The following ADGRB1 variants were observed in gnomAD, a reference collection of about 807,000 sequenced individuals.
ADGRB1 encodes brain-specific angiogenesis inhibitor 1.
ADGRB1 carries 36 observed loss-of-function variants against 175.7 expected under a neutral mutation model. That is an observed-to-expected ratio of 0.20 (90% CI 0.16 to 0.27). The LOEUF is 0.27. ADGRB1 is among the 10% of genes least tolerant of loss of function. The probability of loss-of-function intolerance (pLI) is 1.00; values close to 1 mark genes in which losing one functional copy is unlikely to be tolerated. For missense variants in ADGRB1, 1,731 were observed against 2,255.3 expected (o/e 0.77, Z 4.71); for synonymous variants, 1,054 against 979.4 (o/e 1.08, Z -1.42).
intron 2 of ADGRB1, among the ~76,000 whole-genome samples, chr8:142,469,548 C>CGTGCATGTGT (rs1198608357): frequency 4.0e-5 from 5 of 125,972 alleles, no homozygotes; most frequent in Non-Finnish European, 8.4e-5. Context: ...AGTGTATGCA[C>CGTGCATGTGT]GTGCATGTGT....
At chr8:142,507,865 C>T (rs1213152651) in intron 17 of ADGRB1, among the ~76,000 whole-genome samples, 1 of 152,168 alleles carries the variant, frequency 6.6e-6, no homozygotes, top group Non-Finnish European at 1.5e-5. Flanking sequence ...AGGACTCTTC[C>T]TGGGGTGCCC....
Position 142,449,993 on chromosome 8 carries a change from C to T in ADGRB1, c.-331C>T, listed in dbSNP as rs1196440613. ...GGGCGGCGGCGGCTGGAGGAGCCCCCCCCACCTCCGGTCGGGCGCCCGGCT... is the reference window on the plus strand; with the variant it reads ...GGGCGGCGGCGGCTGGAGGAGCCCCTCCCACCTCCGGTCGGGCGCCCGGCT... On this transcript the variant is annotated 5_prime_UTR_variant, in exon 1 of 31. Coordinates refer to ENST00000517894, the MANE Select transcript of ADGRB1 (RefSeq NM_001702.3). 1 of 150,090 alleles carries T rather than the reference C, an allele frequency of 6.7e-6. No homozygotes were observed. Among genetic ancestry groups the T allele is most frequent in the Admixed American group, 6.6e-5 (1 of 15,140 alleles). 9.3% of individuals were successfully genotyped at this position (150,090 alleles called of 1,614,324 possible).
chr8:142,524,387 C>G, intron 23 of ADGRB1, 83 bp downstream of exon 23: 1 of 1,398,088 alleles, frequency 7.2e-7, no homozygotes, highest in Non-Finnish European at 9.7e-7. Context: ...TGTCTCATGC[C>G]CCAGGCTGTG....
At chr8:142,485,175 C>T (rs1450300227) in intron 13 of ADGRB1, among the ~76,000 whole-genome samples, 3 of 152,184 alleles carry the variant, frequency 2.0e-5, no homozygotes, top group Admixed American at 6.5e-5. Context: ...TGGTGTCAGC[C>T]GAGTCTTAGT....
At chr8:142,503,178 C>T (rs1374343032) in intron 17 of ADGRB1, among the ~76,000 whole-genome samples, 6 of 151,978 alleles carry the variant, frequency 3.9e-5, no homozygotes, top group South Asian at 2.1e-4. Flanking sequence ...CCCCATGACA[C>T]AGTTAAGGAA....
chr8:142,516,285 G>GCGTC (rs1212204644), intron 18 of ADGRB1, among the ~76,000 whole-genome samples: 4 of 141,400 alleles, frequency 2.8e-5, no homozygotes, highest in Non-Finnish European at 4.7e-5. Context: ...CCAGTTGCGT[G>GCGTC]TGTGTGGGCC....
rs1178522884 is a variant in ADGRB1, at chr8:142,464,736, A to T, written c.538A>T (p.Asn180Tyr). The part of the protein sequence containing the change: ...SVEYLVVGNR[N>Y]PSRAACQMLC... ...GGAGTACCTGGTGGTGGGGAACCGCAACCCCAGCCGTGCCGCCTGCCAGAT... is the reference window on the plus strand; with the variant it reads ...GGAGTACCTGGTGGTGGGGAACCGCTACCCCAGCCGTGCCGCCTGCCAGAT... The change falls in exon 2 of 31, where the codon AAC (asparagine) becomes TAC (tyrosine). Residue 180 changes from asparagine (N) to tyrosine (Y), a missense_variant. This residue lies in a region of ADGRB1 where 383 missense variants were observed against 383.1 expected (regional missense o/e 1.00). Coordinates refer to ENST00000517894, the MANE Select transcript of ADGRB1 (RefSeq NM_001702.3). The T allele has an allele frequency of 4.6e-6, 7 of 1,534,042 alleles. No individual in the cohort carries two copies. In the Admixed American group the frequency reaches 9.8e-5, roughly 22 times the overall value.
In ADGRB1 at chr8:142,544,544, C is replaced by G. The variant is rs564048198; in HGVS notation, c.*127C>G. On this transcript the variant is annotated 3_prime_UTR_variant, in exon 31 of 31. Transcript: ENST00000517894. ...GCCCGCACCCCGGCCTCAGGGCGCT[C>G]AGACGGCGGCCAGGCACAGGGCCCG... 1.7e-5 allele frequency: 20 copies of G among 1,155,794 alleles called. No individual in the cohort carries two copies. The African/African-American group carries it at 3.3e-4, about 19-fold the overall frequency. 71.6% of individuals were successfully genotyped at this position (1,155,794 alleles called of 1,614,324 possible). A position where few individuals can be genotyped will look rare whatever the true frequency, so the allele number is the denominator to read the frequency against.
intron 18 of ADGRB1, among the ~76,000 whole-genome samples, chr8:142,516,178 TGCGTGC>T: frequency 7.0e-6 from 1 of 142,558 alleles, no homozygotes; most frequent in African/African-American, 2.7e-5. Flanking sequence ...GAGCCCCAGG[TGCGTGC>T]GTGTGTGGGG....
At chr8:142,508,984 AC>A (rs1444631890) in intron 17 of ADGRB1, among the ~76,000 whole-genome samples, 8 of 152,186 alleles carry the variant, frequency 5.3e-5, no homozygotes, top group African/African-American at 1.7e-4. Context: ...GATCTCCGCC[AC>A]AGTTTTCCTT....
At chr8:142,453,708 A>C (rs1214026545) in intron 1 of ADGRB1, among the ~76,000 whole-genome samples, 2 of 152,194 alleles carry the variant, frequency 1.3e-5, no homozygotes, top group Admixed American at 1.3e-4. Flanking sequence ...GGTCCTGTGC[A>C]ATCCCCCACC....
Position 142,511,980 on chromosome 8 carries a change from AC to A in ADGRB1, c.2817+911del, listed in dbSNP as rs1054999350. 2.6e-5 allele frequency among the ~76,000 whole-genome samples: 4 copies of A among 151,762 alleles called. No homozygotes were observed. Among genetic ancestry groups the A allele is most frequent in the African/African-American group, 9.7e-5 (4 of 41,348 alleles). On this transcript the variant is annotated intron_variant, in intron 18 of 30. Coordinates refer to ENST00000517894, the MANE Select transcript of ADGRB1 (RefSeq NM_001702.3). This position sits in a 1 kb window ranked among gnomAD's most constrained non-coding sequence, Gnocchi z 4.5. Reference sequence around the variant, plus strand: ...AGGTGGCATTGCTGGCCCTTGGGGAACCCCGGGTTCGATGTAGAAGGTAGCG... The same window carrying A: ...AGGTGGCATTGCTGGCCCTTGGGGAACCCGGGTTCGATGTAGAAGGTAGCG...
At chr8:142,468,332 G>A (rs192388008) in intron 2 of ADGRB1, among the ~76,000 whole-genome samples, 13 of 152,194 alleles carry the variant, frequency 8.5e-5, no homozygotes, top group Non-Finnish European at 1.8e-4. Flanking sequence ...CAGAACACAG[G>A]TAAAGGCTGT....
At chr8:142,539,821 G>A (rs368907198) in intron 27 of ADGRB1, 165 of 251,980 alleles carry the variant, frequency 6.5e-4, no homozygotes, top group African/African-American at 3.4e-3. Context: ...TCTAGCACCT[G>A]TGTTCTGTGC....
intron 17 of ADGRB1, among the ~76,000 whole-genome samples, chr8:142,497,997 AC>A (rs1463049506): frequency 6.6e-6 from 1 of 152,048 alleles, no homozygotes; most frequent in Non-Finnish European, 1.5e-5. Context: ...CTGGGAATGG[AC>A]CCAGCTCTTC....
At chr8:142,541,842 G>C in intron 27 of ADGRB1, 99 bp from the exon 28 acceptor site, 2 of 1,284,962 alleles carry the variant, frequency 1.6e-6, no homozygotes, top group East Asian at 2.5e-5. Context: ...GGAGGTGGCG[G>C]CCTCGCAGGG....
chr8:142,510,701 C>T lies in ADGRB1; in HGVS notation c.2676-231C>T, dbSNP rs1038506306. Among the ~76,000 whole-genome samples, 1 of 145,022 alleles carries T rather than the reference C, an allele frequency of 6.9e-6. No homozygotes were observed. The highest frequency in any genetic ancestry group is 1.5e-5 in the Non-Finnish European group (1 of 65,416). On this transcript the variant is annotated intron_variant, in intron 17 of 30. Transcript: ENST00000517894. The surrounding 1 kb of genome is among the most constrained non-coding windows in gnomAD (Gnocchi z 6.3). ...CCGCCCGGCGCTCCCTCGGGCTGCG[C>T]TCCGCGGCTCTCGGCGGCGGCGGCG...
rs771658112 is a variant in ADGRB1 at position 142,478,326 on chromosome 8, G to A, written c.1527G>A (p.Val509=). The A allele has an allele frequency of 5.0e-6, 8 of 1,609,236 alleles. No individual in the cohort carries two copies. In the African/African-American group the frequency reaches 6.7e-5, roughly 13 times the overall value. ...YGGAECQGHW[V]ETRDCFLQQC... is the part of the protein sequence containing the mutation. ...GTGCGGAGTGCCAGGGCCACTGGGT[G>A]GAGACCCGAGACTGCTTCCTGCAGC... Residue 509 remains valine (V), a synonymous_variant, in exon 7 of 31, where the codon GTG becomes GTA. Transcript: ENST00000517894.
At position 142,526,580 on chromosome 8, in the gene ADGRB1, C is replaced by T. The variant is rs757725945; in HGVS notation, c.3351C>T (p.Leu1117=). The T allele has an allele frequency of 1.9e-5, 30 of 1,599,896 alleles. No individual in the cohort carries two copies. Among genetic ancestry groups the T allele is most frequent in the East Asian group, 1.8e-4 (8 of 44,014 alleles). ...MVIGILVFNK[L]VSKDGITDKK... ...TTGGGATCCTGGTGTTCAACAAGCT[C>T]GTGTCCAAAGACGGCATCACGGACA... The change falls in exon 24 of 31, where the codon CTC becomes CTT. Residue 1117 remains leucine, a synonymous_variant. Coordinates refer to ENST00000517894, the MANE Select transcript of ADGRB1 (RefSeq NM_001702.3).
Sources: allele counts gnomAD v4.1 joint callset (sites outside exome capture counted in the v4.1 genomes callset), GRCh38; gene constraint gnomAD v4.1.1; regional missense constraint gnomAD v4.1.1; non-coding constraint Gnocchi (gnomAD v3.1); transcripts MANE v1.5; gene names NCBI Gene and HGNC (gene_info 2026-07-23, HGNC 2026-07-21).